The following PLEKHM2 variants were observed in gnomAD, a reference collection of about 807,000 sequenced individuals.
PLEKHM2 encodes the protein pleckstrin homology and RUN domain containing M2, also known as pleckstrin homology domain-containing family M member 2.
In PLEKHM2, 77 loss-of-function variants were observed where a neutral mutation model predicts 116.3. The observed-to-expected ratio is 0.66, with a 90% CI of 0.55 to 0.80. The LOEUF (loss-of-function observed/expected upper bound fraction) is 0.80. Ranked by LOEUF, PLEKHM2 falls within the 30% of genes least tolerant of loss-of-function variation. The pLI is 0.00. For synonymous variants in PLEKHM2, 562 were observed against 571.0 expected, an observed-to-expected ratio of 0.98 and a Z score of 0.22; for missense variants, 1,183 against 1,354.9, an observed-to-expected ratio of 0.87 and a Z score of 1.99.
chr1:15,697,014 C>A (rs1038016657), intron 1 of PLEKHM2, among the ~76,000 whole-genome samples: 2 of 152,100 alleles, frequency 1.3e-5, no homozygotes, highest in African/African-American at 4.8e-5. Context: ...TTCCCTTGGC[C>A]ATACTTGGGT....
At chr1:15,687,942 T>C (rs998969423) in intron 1 of PLEKHM2, among the ~76,000 whole-genome samples, 1 of 152,244 alleles carries the variant, frequency 6.6e-6, no homozygotes, top group African/African-American at 2.4e-5. Flanking sequence ...GAAAGATCCA[T>C]TGTGTATTTC....
intron 1 of PLEKHM2, among the ~76,000 whole-genome samples, chr1:15,695,743 A>T (rs1328385791): frequency 6.6e-6 from 1 of 151,934 alleles, no homozygotes; most frequent in Admixed American, 6.6e-5. Flanking sequence ...AACTCAGGTG[A>T]TCTGCCCGCC....
chr1:15,719,628 T>A lies in PLEKHM2; in HGVS notation c.466-106T>A. 1 of 709,046 alleles carries A rather than the reference T, an allele frequency of 1.4e-6. No individual in the cohort carries two copies. Among genetic ancestry groups the A allele is most frequent in the Non-Finnish European group, 2.4e-6 (1 of 409,642 alleles). The allele number at this position is 709,046 out of a possible 1,614,324, so 43.9% of individuals were successfully genotyped here. ...GAATTTACTACCTTAAGCCATTGAT[T>A]TCCCAAAGAGGCACATCTGTGTCTC... On this transcript the variant is annotated intron_variant, in intron 5 of 19. Coordinates refer to ENST00000375799, the MANE Select transcript of PLEKHM2 (RefSeq NM_015164.4). The surrounding 1 kb of genome is among the most constrained non-coding windows in gnomAD (Gnocchi z 4.1).
chr1:15,692,490 T>A (rs1220796587), intron 1 of PLEKHM2, among the ~76,000 whole-genome samples: 1 of 152,192 alleles, frequency 6.6e-6, no homozygotes, highest in African/African-American at 2.4e-5. Flanking sequence ...CCGGAAACCA[T>A]GTCGTGCACA....
At chr1:15,688,010 A>C (rs1475918964) in intron 1 of PLEKHM2, among the ~76,000 whole-genome samples, 1 of 152,240 alleles carries the variant, frequency 6.6e-6, no homozygotes, top group Non-Finnish European at 1.5e-5. Flanking sequence ...CCTACAGGAA[A>C]GTGTACAGGT....
intron 7 of PLEKHM2, chr1:15,723,051 C>T (rs1297637852): frequency 6.6e-6 from 1 of 152,128 alleles, no homozygotes; most frequent in Non-Finnish European, 1.5e-5. Flanking sequence ...CGGGGAGGCT[C>T]TGTCTTCTCC....
At chr1:15,681,918 C>T (rs1640652183), upstream of PLEKHM2, among the ~76,000 whole-genome samples, 1 of 152,166 alleles carries the variant, frequency 6.6e-6, no homozygotes, top group Non-Finnish European at 1.5e-5. Context: ...TAAGAAAACG[C>T]CCTGGGCTGG....
intron 1 of PLEKHM2, among the ~76,000 whole-genome samples, chr1:15,686,530 G>T (rs1640772218): frequency 2.0e-5 from 3 of 152,064 alleles, no homozygotes; most frequent in Non-Finnish European, 2.9e-5. Context: ...GCCTGGGCTG[G>T]AGGGCAGTGG....
Position 15,725,350 on chromosome 1 carries a change from G to T in PLEKHM2, c.746G>T (p.Arg249Leu). 6.4e-7 allele frequency: 1 copy of T among 1,551,264 alleles called. No individual in the cohort carries two copies. The highest frequency in any genetic ancestry group is 1.7e-4 in the Middle Eastern group (1 of 5,992). ...GDLTDTVSGP[R>L]STASDLTSSK... ...CTCACAGACACGGTCAGTGGTCCCC[G>T]CTCCACAGCCTCCGACCTGACCAGC... The change falls in exon 8 of 20, where the codon CGC becomes CTC. Residue 249 changes from arginine to leucine, a missense_variant. By Grantham distance (102) the Arg-to-Leu change is moderately radical. Transcript: ENST00000375799.
At chr1:15,709,067 T>C (rs574798724) in intron 1 of PLEKHM2, among the ~76,000 whole-genome samples, 54 of 152,226 alleles carry the variant, frequency 3.5e-4, no homozygotes, top group African/African-American at 1.1e-3. Flanking sequence ...AGTGAATGAG[T>C]AGCAGAGTCA....
chr1:15,702,452 GT>G (rs2148342602), intron 1 of PLEKHM2, among the ~76,000 whole-genome samples: 1 of 151,918 alleles, frequency 6.6e-6, no homozygotes, highest in East Asian at 1.9e-4. Context: ...GCCTTGCTCT[GT>G]TGCCCAGACT....
chr1:15,685,557 A>AAAAAAAAG (rs1553157089), intron 1 of PLEKHM2, among the ~76,000 whole-genome samples: 5 of 147,946 alleles, frequency 3.4e-5, no homozygotes, highest in African/African-American at 1.3e-4. Flanking sequence ...AAAAAAAAAA[A>AAAAAAAAG]AAAGAAAGAA....
intron 1 of PLEKHM2, among the ~76,000 whole-genome samples, chr1:15,704,524 C>A (rs370726930): frequency 6.6e-6 from 1 of 152,210 alleles, no homozygotes. Context: ...AATGAGGATT[C>A]TTTTCTCACA....
In PLEKHM2 at chr1:15,734,092, T is replaced by A; in HGVS notation, c.*158T>A. 1 of 764,688 alleles carries A rather than the reference T, an allele frequency of 1.3e-6. No individual in the cohort carries two copies. The highest frequency in any genetic ancestry group is 2.0e-6 in the Non-Finnish European group (1 of 496,732). The allele number at this position is 764,688 out of a possible 1,614,324, so 47.4% of individuals were successfully genotyped here. A position where few individuals can be genotyped will look rare whatever the true frequency, so the allele number is the denominator to read the frequency against. ...GTGGCTTAAGACAGGGTCCCTCCAC[T>A]CCAGGGATCCAGATCAGGTGCCCGG... On this transcript the variant is annotated 3_prime_UTR_variant, in exon 20 of 20. Transcript: ENST00000375799.
rs1388778470 is a variant in PLEKHM2, at chr1:15,716,342, G to A, written c.166G>A (p.Gly56Arg). ...CEHLDHALLY[G>R]LQDLSSGYWV... ...GCACCTGGACCACGCCCTGCTGTAC[G>A]GGTAAGGTGGAGGAAGTTTCCAAAG... Residue 56 changes from glycine (G) to arginine (R), a missense_variant and splice_region_variant, in exon 2 of 20, where the codon GGA becomes AGA. This residue lies in a region of PLEKHM2 where 217 missense variants were observed against 277.6 expected (regional missense o/e 0.78). Coordinates refer to ENST00000375799, the MANE Select transcript of PLEKHM2 (RefSeq NM_015164.4). The A allele has an allele frequency of 5.7e-6, 9 of 1,576,862 alleles. No homozygotes were observed. Among genetic ancestry groups the A allele is most frequent in the East Asian group, 2.3e-5 (1 of 44,058 alleles).
chr1:15,728,199 G>T lies in PLEKHM2; in HGVS notation c.1830+51G>T. On this transcript the variant is annotated intron_variant, in intron 10 of 19. Coordinates refer to ENST00000375799, the MANE Select transcript of PLEKHM2 (RefSeq NM_015164.4). The surrounding 1 kb of genome is among the most constrained non-coding windows in gnomAD (Gnocchi z 5.9). ...GCAAGAGACGGCAAGGGCAAGGCGG[G>T]ATGGGCCACCGCCCCCGCTGGAGCG... The T allele has an allele frequency of 6.2e-7, 1 of 1,603,922 alleles. No homozygotes were observed. Among genetic ancestry groups the T allele is most frequent in the Non-Finnish European group, 8.5e-7 (1 of 1,171,978 alleles).
chr1:15,719,822 C>G lies in PLEKHM2; in HGVS notation c.554C>G (p.Ser185Trp). The G allele has an allele frequency of 6.2e-7, 1 of 1,613,766 alleles. No individual in the cohort carries two copies. The highest frequency in any genetic ancestry group is 8.5e-7 in the Non-Finnish European group (1 of 1,179,758). Residue 185 changes from serine to tryptophan, a missense_variant, in exon 6 of 20, where the codon TCG becomes TGG. Ser to Trp is a radical substitution (Grantham distance 177). Around this residue, in one of 3 missense-constraint regions of PLEKHM2, gnomAD observed 217 missense variants for 277.6 expected, o/e 0.78. Coordinates refer to ENST00000375799, the MANE Select transcript of PLEKHM2 (RefSeq NM_015164.4). This position sits in a 1 kb window ranked among gnomAD's most constrained non-coding sequence, Gnocchi z 4.1. ...GACTTTGAAGACCGCCTTCCCAGCT[C>G]GGTCCACGGCTCAGACAGTCTGTCC... Reference protein sequence around the residue: ...LLDFEDRLPSSVHGSDSLSLN... With the variant: ...LLDFEDRLPSWVHGSDSLSLN...
intron 1 of PLEKHM2, among the ~76,000 whole-genome samples, chr1:15,695,325 A>G (rs992557617): frequency 2.6e-5 from 4 of 152,234 alleles, no homozygotes; most frequent in Admixed American, 6.5e-5. Context: ...TTTTGCTCCA[A>G]GTTGTTTTTG....
At chr1:15,691,470 A>G (rs1340080489) in intron 1 of PLEKHM2, among the ~76,000 whole-genome samples, 1 of 152,204 alleles carries the variant, frequency 6.6e-6, no homozygotes, top group Non-Finnish European at 1.5e-5. Flanking sequence ...CTACCCTTTA[A>G]AAGGGATAAA....
Sources: gnomAD v4.1 joint callset for allele counts (sites outside exome capture counted in the v4.1 genomes callset) on GRCh38, gnomAD v4.1.1 for gene constraint, gnomAD v4.1.1 regional missense constraint, Gnocchi (gnomAD v3.1) non-coding constraint, MANE v1.5 for transcripts, NCBI Gene and HGNC (gene_info 2026-07-23, HGNC 2026-07-21) for gene names.